LDB2: variants seen among roughly 807,000 people sequenced by gnomAD.
LDB2 encodes LIM domain binding 2.
In LDB2, 12 loss-of-function variants were observed where a neutral mutation model predicts 44.3. The ratio of observed to expected loss-of-function variants is 0.27; its 90% CI spans 0.17 to 0.44. The LOEUF is 0.44. Among genes scored for constraint, LDB2 ranks in the 20% least tolerant of loss-of-function variants. The pLI, the probability that LDB2 is intolerant of heterozygous loss-of-function variation, is 1.00. For synonymous variants in LDB2, 164 were observed against 174.8 expected, an observed-to-expected ratio of 0.94 and a Z score of 0.49; for missense variants, 344 against 473.5, an observed-to-expected ratio of 0.73 and a Z score of 2.54.
intron 2 of LDB2, among the ~76,000 whole-genome samples, chr4:16,667,685 T>C (rs1280237339): frequency 2.0e-5 from 3 of 152,226 alleles, no homozygotes; most frequent in Non-Finnish European, 4.4e-5. Context: ...AGCAACCGCA[T>C]AGACAGACAG....
At chr4:16,558,040 G>T (rs1418325031) in intron 5 of LDB2, among the ~76,000 whole-genome samples, 1 of 152,152 alleles carries the variant, frequency 6.6e-6, no homozygotes, top group African/African-American at 2.4e-5. Flanking sequence ...AAACAGAAAG[G>T]ACATCCACAC....
chr4:16,511,896 C>G (rs1344861963), intron 6 of LDB2, 85 bp downstream of exon 6: 23 of 1,424,478 alleles, frequency 1.6e-5, no homozygotes, highest in Non-Finnish European at 2.2e-5. Flanking sequence ...AATTAATGAT[C>G]ACTTTCTTCT....
chr4:16,895,544 T>TTGTGTGTGTGTG (rs60440696), intron 1 of LDB2, among the ~76,000 whole-genome samples: 3 of 150,638 alleles, frequency 2.0e-5, no homozygotes, highest in African/African-American at 7.3e-5. Flanking sequence ...TGGGGTGTGT[T>TTGTGTGTGTGTG]TGTGTGTGTG....
Position 16,593,465 on chromosome 4 carries a change from C to T in LDB2, c.408+2238G>A, listed in dbSNP as rs547795285. Among the ~76,000 whole-genome samples, 3 of 138,134 alleles carry T rather than the reference C, an allele frequency of 2.2e-5. No individual in the cohort carries two copies. The East Asian group carries it at 6.2e-4, about 29-fold the overall frequency. 90.6% of individuals were successfully genotyped at this position (138,134 alleles called of 152,430 possible). On this transcript the variant is annotated intron_variant, in intron 3 of 7. Transcript: ENST00000304523. ...GAGTATTATAATAATCACCAAGGAGCAAAAAAACAAAAAACAAAAAATTGA... is the reference window on the plus strand; with the variant it reads ...GAGTATTATAATAATCACCAAGGAGTAAAAAAACAAAAAACAAAAAATTGA...
At chr4:16,557,814 C>A (rs1740324204) in intron 5 of LDB2, among the ~76,000 whole-genome samples, 1 of 152,114 alleles carries the variant, frequency 6.6e-6, no homozygotes, top group East Asian at 1.9e-4. Flanking sequence ...GGGAGGCACC[C>A]CCCAGTAGGG....
chr4:16,523,054 T>C lies in LDB2; in HGVS notation c.616-10950A>G, dbSNP rs139513416. ...TCTAAATGGCCTCAGACATTGACTG[T>C]CTATTGTCTGTCACTATATTAGTCA... On this transcript the variant is annotated intron_variant, in intron 5 of 7. Transcript: ENST00000304523. 1.2e-3 allele frequency among the ~76,000 whole-genome samples: 187 copies of C among 152,360 alleles called. 2 individuals carry two copies. The highest frequency in any genetic ancestry group is 0.01 in the Middle Eastern group (3 of 294).
intron 5 of LDB2, among the ~76,000 whole-genome samples, chr4:16,527,208 G>C (rs1016778429): frequency 6.6e-6 from 1 of 152,144 alleles, no homozygotes; most frequent in Non-Finnish European, 1.5e-5. Context: ...AGAATTCTCA[G>C]GAGCAGAGGG....
At chr4:16,726,591 G>T (rs1759521771) in intron 2 of LDB2, 1 of 152,168 alleles carries the variant, frequency 6.6e-6, no homozygotes. Context: ...GCCAGAAAAC[G>T]TTCATGTGCG....
chr4:16,888,394 T>C (rs952640068), intron 1 of LDB2, among the ~76,000 whole-genome samples: 1 of 152,210 alleles, frequency 6.6e-6, no homozygotes, highest in African/African-American at 2.4e-5. Flanking sequence ...TACTTAACCA[T>C]AGGTATGCCT....
At chr4:16,787,039 T>A (rs149032991) in intron 1 of LDB2, among the ~76,000 whole-genome samples, 11 of 152,282 alleles carry the variant, frequency 7.2e-5, no homozygotes, top group African/African-American at 1.7e-4. Context: ...ATAAAGTCAG[T>A]CACAAAATGG....
chr4:16,540,149 G>A (rs955220589), intron 5 of LDB2, among the ~76,000 whole-genome samples: 3 of 152,038 alleles, frequency 2.0e-5, no homozygotes, highest in Non-Finnish European at 4.4e-5. Context: ...ACAGCAAGGG[G>A]GAAATATGCC....
intron 5 of LDB2, among the ~76,000 whole-genome samples, chr4:16,525,530 A>G (rs936753499): frequency 1.1e-4 from 17 of 152,214 alleles, no homozygotes; most frequent in Non-Finnish European, 2.4e-4. Context: ...GCACTGTATG[A>G]AAATGGAGTT....
chr4:16,738,292 C>T (rs766120524), intron 2 of LDB2, among the ~76,000 whole-genome samples: 2 of 152,160 alleles, frequency 1.3e-5, no homozygotes, highest in Admixed American at 6.5e-5. Flanking sequence ...CCCACCTCCC[C>T]AACACCAAAA....
At chr4:16,757,299 C>T (rs1766867929) in intron 2 of LDB2, among the ~76,000 whole-genome samples, 1 of 152,144 alleles carries the variant, frequency 6.6e-6, no homozygotes, top group Non-Finnish European at 1.5e-5. Context: ...TGATGAGACT[C>T]GGCTCAAGAC....
chr4:16,836,082 C>G (rs2110078873), intron 1 of LDB2, among the ~76,000 whole-genome samples: 1 of 152,334 alleles, frequency 6.6e-6, no homozygotes, highest in Admixed American at 6.5e-5. Flanking sequence ...ACATCACTGT[C>G]TGTCCATTAC....
Position 16,550,014 on chromosome 4 carries a change from T to A in LDB2, c.615+35908A>T, listed in dbSNP as rs180721205. Among the ~76,000 whole-genome samples the A allele has an allele frequency of 7.9e-5, 12 of 152,316 alleles. No homozygotes were observed. The East Asian group carries it at 2.3e-3, about 29-fold the overall frequency. On this transcript the variant is annotated intron_variant, in intron 5 of 7. Transcript: ENST00000304523. ...CTTGCCCAATCTGTATTTACAGGAC[T>A]TTGGTACCAATTGAGTCTTCAGGAA...
intron 1 of LDB2, among the ~76,000 whole-genome samples, chr4:16,821,746 CA>C (rs562184189): frequency 0.035 from 2,160 of 61,648 alleles, 46 homozygotes; most frequent in African/African-American, 0.075. Flanking sequence ...AACATTAAAG[CA>C]AAAAAAAAAA....
chr4:16,764,267 A>T (rs1768669544), intron 1 of LDB2, among the ~76,000 whole-genome samples: 1 of 151,996 alleles, frequency 6.6e-6, no homozygotes, highest in South Asian at 2.1e-4. Context: ...CCACCTTCAC[A>T]TGGTTTTCCT....
intron 2 of LDB2, among the ~76,000 whole-genome samples, chr4:16,723,945 G>C (rs1758874140): frequency 6.6e-6 from 1 of 152,088 alleles, no homozygotes; most frequent in African/African-American, 2.4e-5. Flanking sequence ...CGTTTGAATA[G>C]AGCCAATTTT....
Sources: allele counts gnomAD v4.1 joint callset (sites outside exome capture counted in the v4.1 genomes callset), GRCh38; gene constraint gnomAD v4.1.1; transcripts MANE v1.5; gene names NCBI Gene and HGNC (gene_info 2026-07-23, HGNC 2026-07-21).